Variants in MYH9 observed in about 807,000 individuals in gnomAD.
MYH9 encodes myosin heavy chain 9.
A neutral mutation model predicts 241.9 loss-of-function variants in MYH9; 29 were observed. The ratio of observed to expected loss-of-function variants is 0.12; its 90% CI spans 0.09 to 0.16. The LOEUF is 0.16. Ranked by LOEUF, MYH9 falls within the 10% of genes least tolerant of loss-of-function variation. The pLI is 1.00. For synonymous variants in MYH9, 1,047 were observed against 1,062.6 expected (o/e 0.99, Z 0.29); for missense variants, 1,803 against 2,595.5 (o/e 0.69, Z 6.63).
intron 20 of MYH9, 43 bp downstream of exon 20, chr22:36,302,525 C>G: frequency 6.7e-7 from 1 of 1,481,880 alleles, no homozygotes; most frequent in South Asian, 1.1e-5. Flanking sequence ...TGGTGGTGTG[C>G]ACCCGTAGTC....
In MYH9 at chr22:36,321,804, G is replaced by A. The variant is rs2017255743; in HGVS notation, c.723C>T (p.Ile241=). 2 of 1,614,012 alleles carry A rather than the reference G, an allele frequency of 1.2e-6. No individual in the cohort carries two copies. Among genetic ancestry groups the A allele is most frequent in the South Asian group, 1.1e-5 (1 of 91,090 alleles). ...CAATGTAGCCATTGACATCAAAGTT[G>A]ATGCGAATGAATTTGCCCTAAGTAA... ...NSSRFGKFIR[I]NFDVNGYIVG... Residue 241 remains isoleucine, a synonymous_variant, in exon 7 of 41, where the codon ATC becomes ATT. Coordinates refer to ENST00000216181, the MANE Select transcript of MYH9 (RefSeq NM_002473.6).
chr22:36,294,163 C>T lies in MYH9; in HGVS notation c.3766G>A (p.Glu1256Lys). The stretch of plus-strand genomic sequence containing the variant: ...CCCTCGTTGAACTTGACCTGCAGCT[C>T]CTGCAGCTGCGCCTCCACTTTCTTG... ...KRKKVEAQLQ[E>K]LQVKFNEGER... Residue 1256 changes from glutamate to lysine, a missense_variant, in exon 28 of 41, where the codon GAG becomes AAG. Transcript: ENST00000216181. 1.2e-6 allele frequency: 2 copies of T among 1,613,490 alleles called. No individual in the cohort carries two copies. Among genetic ancestry groups the T allele is most frequent in the East Asian group, 2.2e-5 (1 of 44,884 alleles).
rs2016877632 is a variant in MYH9, at chr22:36,301,550, T to C, written c.2615A>G (p.Glu872Gly). Reference protein sequence around the residue: ...LAAENRLTEMETLQSQLMAEK... With the variant: ...LAAENRLTEMGTLQSQLMAEK... ...GACACCCACCTGAGACTGCAGCGTCTCCATCTCCGTGAGCCTGTTCTCCGC... is the reference window on the plus strand; with the variant it reads ...GACACCCACCTGAGACTGCAGCGTCCCCATCTCCGTGAGCCTGTTCTCCGC... The change falls in exon 21 of 41, where the codon GAG becomes GGG. Residue 872 changes from glutamate (E) to glycine (G), a missense_variant. Physicochemically the swap from Glu to Gly is moderately conservative, Grantham distance 98. Coordinates refer to ENST00000216181, the MANE Select transcript of MYH9 (RefSeq NM_002473.6). The C allele has an allele frequency of 6.2e-7, 1 of 1,613,730 alleles. No individual in the cohort carries two copies. Among genetic ancestry groups the C allele is most frequent in the Non-Finnish European group, 8.5e-7 (1 of 1,180,030 alleles).
intron 5 of MYH9, among the ~76,000 whole-genome samples, chr22:36,326,042 G>C (rs1182174447): frequency 6.6e-6 from 1 of 152,158 alleles, no homozygotes; most frequent in African/African-American, 2.4e-5. Context: ...GACACTGCTG[G>C]GTTCAACCAT....
Position 36,330,069 on chromosome 22 carries a change from A to G in MYH9, c.491-2581T>C, listed in dbSNP as rs956272418. On this transcript the variant is annotated intron_variant, in intron 3 of 40. Transcript: ENST00000216181. The surrounding 1 kb of genome is among the most constrained non-coding windows in gnomAD (Gnocchi z 4.5). ...CACACACGGATGTATGCACAGGCAC[A>G]CACACTTCAAATTCCGAAACCCCAG... 1.3e-5 allele frequency among the ~76,000 whole-genome samples: 2 copies of G among 152,242 alleles called. No homozygotes were observed. The highest frequency in any genetic ancestry group is 2.9e-5 in the Non-Finnish European group (2 of 68,038).
In MYH9 at chr22:36,300,117, C is replaced by T. The variant is rs371839289; in HGVS notation, c.2976+10G>A. The T allele has an allele frequency of 1.1e-5, 17 of 1,609,556 alleles. No individual in the cohort carries two copies. The highest frequency in any genetic ancestry group is 2.7e-5 in the African/African-American group (2 of 74,944). The stretch of plus-strand genomic sequence containing the variant: ...CTGGAGCAGCGGCAGGCGACAGCCA[C>T]GGGCCTCACCTTGGCCAGCTTGCAG... On this transcript the variant is annotated intron_variant, in intron 23 of 40. Transcript: ENST00000216181. The surrounding 1 kb of genome is among the most constrained non-coding windows in gnomAD (Gnocchi z 5.0).
At chr22:36,284,884 A>T (rs2016552972) in intron 38 of MYH9, among the ~76,000 whole-genome samples, 1 of 152,136 alleles carries the variant, frequency 6.6e-6, no homozygotes, top group African/African-American at 2.4e-5. Flanking sequence ...ATTCACTCTC[A>T]GACACAGCCA....
intron 3 of MYH9, among the ~76,000 whole-genome samples, chr22:36,334,524 T>C (rs1332826264): frequency 7.9e-5 from 12 of 152,292 alleles, no homozygotes; most frequent in African/African-American, 2.6e-4. Context: ...CGCGTTCCAG[T>C]GTGTGGCGCG....
At chr22:36,338,395 AAAC>A (rs1395361949) in intron 3 of MYH9, among the ~76,000 whole-genome samples, 1 of 152,214 alleles carries the variant, frequency 6.6e-6, no homozygotes, top group Non-Finnish European at 1.5e-5. Flanking sequence ...GGCAAAGTGA[AAAC>A]CTCTCAGACT....
chr22:36,319,073 T>C (rs2017206921), intron 10 of MYH9, among the ~76,000 whole-genome samples: 1 of 152,166 alleles, frequency 6.6e-6, no homozygotes, highest in African/African-American at 2.4e-5. Flanking sequence ...GGAGTGTCTT[T>C]TACAATCCAC....
intron 2 of MYH9, among the ~76,000 whole-genome samples, chr22:36,348,130 T>C (rs1010675358): frequency 4.7e-5 from 7 of 148,456 alleles, no homozygotes; most frequent in African/African-American, 1.7e-4. Flanking sequence ...TAAGATATTT[T>C]ATTTAAAAAA....
chr22:36,357,237 T>C (rs933812932), intron 1 of MYH9, among the ~76,000 whole-genome samples: 1 of 152,064 alleles, frequency 6.6e-6, no homozygotes, highest in Non-Finnish European at 1.5e-5. Flanking sequence ...ATGGAGGATA[T>C]GACATTTAAA....
rs1399487118 is a variant in MYH9, at chr22:36,330,826, C to T, written c.491-3338G>A. Among the ~76,000 whole-genome samples the T allele has an allele frequency of 1.3e-5, 2 of 152,052 alleles. No individual in the cohort carries two copies. The highest frequency in any genetic ancestry group is 4.8e-5 in the African/African-American group (2 of 41,384). Reference sequence around the variant, plus strand: ...CTTCCTCTAAACGGGAGGAGGCCGCCAGGGACAAGCCTCTTCTGGGACACG... The same window carrying T: ...CTTCCTCTAAACGGGAGGAGGCCGCTAGGGACAAGCCTCTTCTGGGACACG... On this transcript the variant is annotated intron_variant, in intron 3 of 40. Transcript: ENST00000216181. This position sits in a 1 kb window ranked among gnomAD's most constrained non-coding sequence, Gnocchi z 4.5.
chr22:36,350,959 G>T (rs759274256), intron 1 of MYH9, among the ~76,000 whole-genome samples: 1 of 152,122 alleles, frequency 6.6e-6, no homozygotes, highest in African/African-American at 2.4e-5. Flanking sequence ...TCAGGCCCCT[G>T]CAATCCAGGA....
chr22:36,285,412 A>G lies in MYH9; in HGVS notation c.5275-83T>C, dbSNP rs1372326342. On this transcript the variant is annotated intron_variant, in intron 37 of 40. Transcript: ENST00000216181. The surrounding 1 kb of genome is among the most constrained non-coding windows in gnomAD (Gnocchi z 7.0). The stretch of plus-strand genomic sequence containing the variant: ...AGCAGGGCCAGAGGAAGGTGGCAGC[A>G]GGATCCCACCAAACCCTTGGGGTCC... 14 of 1,467,042 alleles carry G rather than the reference A, an allele frequency of 9.5e-6. No individual in the cohort carries two copies. Among genetic ancestry groups the G allele is most frequent in the Non-Finnish European group, 2.8e-6 (3 of 1,059,970 alleles). The allele number at this position is 1,467,042 out of a possible 1,614,324, so 90.9% of individuals were successfully genotyped here.
intron 15 of MYH9, chr22:36,308,924 A>C (rs1022301457): frequency 1.1e-6 from 1 of 933,474 alleles, no homozygotes; most frequent in Non-Finnish European, 1.3e-6. Context: ...AGAAACCAAC[A>C]GAAAGAATTA....
At position 36,285,326 on chromosome 22, in the gene MYH9, C is replaced by A; in HGVS notation, c.5278G>T (p.Asp1760Tyr). 6.2e-7 allele frequency: 1 copy of A among 1,608,454 alleles called. No homozygotes were observed. Among genetic ancestry groups the A allele is most frequent in the South Asian group, 1.1e-5 (1 of 91,036 alleles). The part of the protein sequence containing the change: ...DRLKKANLQI[D>Y]QINTDLNLER... ...AGGTTCAGGTCGGTGTTGATCTGGT[C>A]GATCTGCAGAAGAAGGGCCAGTGAC... Residue 1760 changes from aspartate (D) to tyrosine (Y), a missense_variant, in exon 38 of 41, where the codon GAC (aspartate) becomes TAC (tyrosine). Around this residue, in one of 11 missense-constraint regions of MYH9, gnomAD observed 876 missense variants for 1,077.8 expected, o/e 0.81. Coordinates refer to ENST00000216181, the MANE Select transcript of MYH9 (RefSeq NM_002473.6). The surrounding 1 kb of genome is among the most constrained non-coding windows in gnomAD (Gnocchi z 7.0).
At chr22:36,309,425 A>T (rs760356168) in intron 14 of MYH9, 29 bp from the exon 15 acceptor site, 42 of 1,544,390 alleles carry the variant, frequency 2.7e-5, no homozygotes, top group South Asian at 8.9e-5. Flanking sequence ...CAGGAGTCAC[A>T]AGCTGCGCTG....
At chr22:36,366,077 A>T (rs548167618) in intron 1 of MYH9, among the ~76,000 whole-genome samples, 1 of 152,070 alleles carries the variant, frequency 6.6e-6, no homozygotes, top group East Asian at 1.9e-4. Context: ...AATCCCAGCT[A>T]TTCGGGAGGC....
Sources: gnomAD v4.1 joint callset for allele counts (sites outside exome capture counted in the v4.1 genomes callset) on GRCh38, gnomAD v4.1.1 for gene constraint, gnomAD v4.1.1 regional missense constraint, Gnocchi (gnomAD v3.1) non-coding constraint, MANE v1.5 for transcripts, NCBI Gene and HGNC (gene_info 2026-07-23, HGNC 2026-07-21) for gene names.